Variants in POC1A observed in about 807,000 individuals in gnomAD.
The protein encoded by POC1A is POC1 centriolar protein homolog A.
Under a neutral mutation model 47.8 loss-of-function variants are expected in POC1A, and 34 were observed. That is an observed-to-expected ratio of 0.71 (90% confidence interval 0.54 to 0.95). The LOEUF is 0.95. Among genes scored for constraint, POC1A ranks in the 40% least tolerant of loss-of-function variants. The pLI is 0.00. For missense variants in POC1A, 466 were observed against 528.3 expected, an observed-to-expected ratio of 0.88 and a Z score of 1.16; for synonymous variants, 177 against 207.6, an observed-to-expected ratio of 0.85 and a Z score of 1.27.
chr3:52,088,015 G>A (rs1260338661), intron 10 of POC1A, among the ~76,000 whole-genome samples: 3 of 152,214 alleles, frequency 2.0e-5, no homozygotes, highest in African/African-American at 4.8e-5. Flanking sequence ...GACCTTGGCC[G>A]CCTTCTGCAA....
intron 9 of POC1A, among the ~76,000 whole-genome samples, chr3:52,102,419 C>T (rs1399589592): frequency 6.6e-6 from 1 of 152,186 alleles, no homozygotes; most frequent in Admixed American, 6.5e-5. Context: ...AATTCCTTTG[C>T]TTATGGCTAC....
chr3:52,112,739 C>A (rs553756434), intron 9 of POC1A, among the ~76,000 whole-genome samples: 37 of 152,224 alleles, frequency 2.4e-4, no homozygotes, highest in Admixed American at 3.9e-4. Flanking sequence ...CAGTGGGCTG[C>A]GAGGGACACT....
intron 9 of POC1A, among the ~76,000 whole-genome samples, chr3:52,113,696 C>T (rs1403565785): frequency 2.0e-5 from 3 of 152,018 alleles, no homozygotes; most frequent in South Asian, 4.1e-4. Context: ...AGAGAGACTC[C>T]GTCTCAAAAA....
chr3:52,122,351 C>G, intron 9 of POC1A, 28 bp downstream of exon 9: 1 of 1,344,242 alleles, frequency 7.4e-7, no homozygotes, highest in Non-Finnish European at 1.1e-6. Context: ...AGTCACAGAG[C>G]TCAGGACATG....
chr3:52,085,776 A>G (rs969406638), intron 10 of POC1A, among the ~76,000 whole-genome samples: 6 of 152,256 alleles, frequency 3.9e-5, no homozygotes, highest in African/African-American at 1.4e-4. Flanking sequence ...TCAGGGCTTC[A>G]GTTTCTTTGT....
intron 9 of POC1A, among the ~76,000 whole-genome samples, chr3:52,107,488 C>T (rs1186315461): frequency 2.6e-5 from 4 of 152,218 alleles, no homozygotes; most frequent in Non-Finnish European, 5.9e-5. Flanking sequence ...TGGGAGCATT[C>T]TCTCTCAACA....
chr3:52,099,456 G>A (rs1702925689), intron 9 of POC1A, among the ~76,000 whole-genome samples: 1 of 152,216 alleles, frequency 6.6e-6, no homozygotes, highest in African/African-American at 2.4e-5. Context: ...AACCCAAGCA[G>A]CATTTAAATG....
At chr3:52,129,736 C>A (rs1265605998) in intron 7 of POC1A, among the ~76,000 whole-genome samples, 2 of 152,192 alleles carry the variant, frequency 1.3e-5, no homozygotes, top group Non-Finnish European at 2.9e-5. Context: ...CCTGCTTAAC[C>A]AGTCATGAAC....
chr3:52,092,150 A>C (rs1702664285), intron 10 of POC1A, among the ~76,000 whole-genome samples: 1 of 152,224 alleles, frequency 6.6e-6, no homozygotes, highest in Non-Finnish European at 1.5e-5. Flanking sequence ...CCAAACAGCA[A>C]GCTCAGTGTT....
At chr3:52,105,364 C>T (rs757877246) in intron 9 of POC1A, among the ~76,000 whole-genome samples, 1 of 152,264 alleles carries the variant, frequency 6.6e-6, no homozygotes, top group Non-Finnish European at 1.5e-5. Flanking sequence ...GATGAGGAGA[C>T]TCACAGACAC....
chr3:52,123,573 T>C (rs1018582902), intron 8 of POC1A, among the ~76,000 whole-genome samples: 1 of 152,268 alleles, frequency 6.6e-6, no homozygotes, highest in Admixed American at 6.5e-5. Flanking sequence ...CCCAGATGGA[T>C]GGCGTCTAGG....
intron 7 of POC1A, among the ~76,000 whole-genome samples, chr3:52,129,825 C>T (rs763320594): frequency 1.8e-4 from 27 of 152,252 alleles, no homozygotes; most frequent in Non-Finnish European, 3.8e-4. Flanking sequence ...TGGATCCACA[C>T]CCAGTCATTT....
chr3:52,108,047 A>G (rs1703247777), intron 9 of POC1A, among the ~76,000 whole-genome samples: 5 of 152,154 alleles, frequency 3.3e-5, no homozygotes, highest in African/African-American at 1.2e-4. Flanking sequence ...TTGATCAGTT[A>G]TTTTATCAAA....
intron 4 of POC1A, 52 bp downstream of exon 4, chr3:52,149,158 G>GC (rs1698468921): frequency 6.4e-7 from 1 of 1,555,578 alleles, no homozygotes; most frequent in Non-Finnish European, 8.9e-7. Flanking sequence ...CCCTGGGCCA[G>GC]CCCCCAACCC....
chr3:52,125,038 C>A, intron 8 of POC1A, 75 bp downstream of exon 8: 2 of 1,191,446 alleles, frequency 1.7e-6, no homozygotes, highest in African/African-American at 1.5e-5. Flanking sequence ...ATCCCCCAAA[C>A]ACCCTGTTTG....
At chr3:52,099,478 T>G (rs1386266686) in intron 9 of POC1A, among the ~76,000 whole-genome samples, 1 of 152,212 alleles carries the variant, frequency 6.6e-6, no homozygotes, top group Non-Finnish European at 1.5e-5. Context: ...AAAAGTCACA[T>G]CAGCATTTTG....
At chr3:52,100,184 T>C (rs1702949236) in intron 9 of POC1A, among the ~76,000 whole-genome samples, 2 of 152,214 alleles carry the variant, frequency 1.3e-5, no homozygotes. Context: ...ATTGCCTAAA[T>C]GTCTGTGGCT....
chr3:52,136,525 A>C (rs1416470537), intron 7 of POC1A, among the ~76,000 whole-genome samples: 2 of 152,238 alleles, frequency 1.3e-5, no homozygotes, highest in African/African-American at 4.8e-5. Context: ...CCGATGATGA[A>C]TGAACAAACA....
chr3:52,082,899 C>T (rs912635201), intron 10 of POC1A, among the ~76,000 whole-genome samples: 5 of 152,140 alleles, frequency 3.3e-5, no homozygotes, highest in African/African-American at 1.2e-4. Flanking sequence ...CAGATGCGTC[C>T]TTCTCTACTG....
Sources: allele counts gnomAD v4.1 joint callset (sites outside exome capture counted in the v4.1 genomes callset), GRCh38; gene constraint gnomAD v4.1.1; transcripts MANE v1.5; gene names NCBI Gene and HGNC (gene_info 2026-07-23, HGNC 2026-07-21).